Variants in LUZP2 observed in about 807,000 individuals in gnomAD.
LUZP2 encodes leucine zipper protein 2.
In LUZP2, 52 loss-of-function variants were observed where a neutral mutation model predicts 51.6. The ratio of observed to expected loss-of-function variants is 1.01; its 90% CI spans 0.81 to 1.27. The LOEUF (loss-of-function observed/expected upper bound fraction) is 1.27. Among genes scored for constraint, LUZP2 ranks in the 50% most tolerant of loss-of-function variants. LUZP2 has a pLI of 0.00. For synonymous variants in LUZP2, 154 were observed against 137.3 expected (o/e 1.12, Z -0.85); for missense variants, 436 against 395.4 (o/e 1.10, Z -0.87).
intron 5 of LUZP2, among the ~76,000 whole-genome samples, chr11:24,818,146 T>C (rs1850240425): frequency 6.6e-6 from 1 of 152,052 alleles, no homozygotes. Context: ...TAAAGTAAGC[T>C]GTCAGTGGAA....
intron 1 of LUZP2, among the ~76,000 whole-genome samples, chr11:24,595,979 G>A (rs191895009): frequency 3.3e-5 from 5 of 152,310 alleles, no homozygotes; most frequent in Admixed American, 1.3e-4. Flanking sequence ...AAGACAGCAA[G>A]TTCCATGTGC....
chr11:24,957,229 A>G (rs1201403449), intron 7 of LUZP2, among the ~76,000 whole-genome samples: 1 of 152,252 alleles, frequency 6.6e-6, no homozygotes, highest in East Asian at 1.9e-4. Flanking sequence ...TCTTTTTTAA[A>G]TTGCAAATTG....
intron 1 of LUZP2, among the ~76,000 whole-genome samples, chr11:24,608,439 A>G (rs1032773621): frequency 6.6e-6 from 1 of 152,226 alleles, no homozygotes; most frequent in African/African-American, 2.4e-5. Flanking sequence ...TTAGAAAATT[A>G]TTTTGGGTAG....
intron 1 of LUZP2, among the ~76,000 whole-genome samples, chr11:24,722,732 A>G (rs754392083): frequency 6.6e-5 from 10 of 152,066 alleles, no homozygotes; most frequent in Admixed American, 2.0e-4. Flanking sequence ...AGCCTGGCCA[A>G]CATGGTGAAA....
rs572588453 is a variant in LUZP2, at chr11:24,606,068, G to C, written c.62+108763G>C. On this transcript the variant is annotated intron_variant, in intron 1 of 11. Transcript: ENST00000336930. ...TTTTATAGCTGAATAATACTCTACT[G>C]TGCACATATAGGTATATTTGTATAT... is the stretch of plus-strand genomic sequence containing the variant. 1.1e-3 allele frequency among the ~76,000 whole-genome samples: 163 copies of C among 151,686 alleles called. 1 individual carries two copies. The highest frequency in any genetic ancestry group is 3.4e-3 in the Middle Eastern group (1 of 294).
At chr11:24,625,016 C>T (rs1015709634) in intron 1 of LUZP2, among the ~76,000 whole-genome samples, 6 of 152,090 alleles carry the variant, frequency 3.9e-5, no homozygotes, top group Non-Finnish European at 7.4e-5. Context: ...GAAGGAAATC[C>T]TGTCATTCCC....
intron 1 of LUZP2, among the ~76,000 whole-genome samples, chr11:24,650,258 T>C (rs1213041957): frequency 6.6e-6 from 1 of 152,020 alleles, no homozygotes; most frequent in African/African-American, 2.4e-5. Flanking sequence ...AAAATATCTA[T>C]AGTGTTATTT....
chr11:24,584,859 A>G (rs1005880881), intron 1 of LUZP2, among the ~76,000 whole-genome samples: 5 of 152,182 alleles, frequency 3.3e-5, no homozygotes, highest in Admixed American at 6.5e-5. Flanking sequence ...CAGCAACCTC[A>G]CAACCACATT....
intron 4 of LUZP2, among the ~76,000 whole-genome samples, chr11:24,746,507 G>A (rs924460107): frequency 6.6e-5 from 10 of 152,114 alleles, no homozygotes; most frequent in Admixed American, 1.3e-4. Flanking sequence ...CTTAACTTTA[G>A]ATAACCTGAT....
At chr11:24,921,165 A>G (rs1453876945) in intron 7 of LUZP2, among the ~76,000 whole-genome samples, 1 of 152,062 alleles carries the variant, frequency 6.6e-6, no homozygotes, top group African/African-American at 2.4e-5. Flanking sequence ...ATAGGCAGGA[A>G]AGAAGAAAGA....
chr11:24,746,574 T>C (rs71458929), intron 4 of LUZP2, among the ~76,000 whole-genome samples: 17,800 of 152,210 alleles, frequency 0.12, 1,296 homozygotes, highest in Non-Finnish European at 0.17. Flanking sequence ...TTCTTTGTGC[T>C]TCTTGTATTT....
At chr11:24,845,779 C>T (rs1045453240) in intron 5 of LUZP2, among the ~76,000 whole-genome samples, 3 of 151,956 alleles carry the variant, frequency 2.0e-5, no homozygotes, top group African/African-American at 7.2e-5. Flanking sequence ...TCATGTAAGA[C>T]ATGACCTGCT....
intron 7 of LUZP2, among the ~76,000 whole-genome samples, chr11:24,960,777 G>T (rs1855370281): frequency 6.6e-6 from 1 of 151,970 alleles, no homozygotes; most frequent in African/African-American, 2.4e-5. Flanking sequence ...GTTATTTCTT[G>T]CCTTCTGCTA....
chr11:24,676,966 C>G (rs1159355284), intron 1 of LUZP2, among the ~76,000 whole-genome samples: 1 of 152,146 alleles, frequency 6.6e-6, no homozygotes, highest in East Asian at 1.9e-4. Context: ...CATGTCCGGC[C>G]AAGCCTCTCA....
At chr11:24,567,192 C>T (rs12362662) in intron 1 of LUZP2, among the ~76,000 whole-genome samples, 60,623 of 149,740 alleles carry the variant, frequency 0.4, 12,645 homozygotes, top group Middle Eastern at 0.49. Flanking sequence ...AAGGTACAAT[C>T]ACCTAAATGA....
At chr11:24,735,512 C>T (rs1051976579) in intron 3 of LUZP2, among the ~76,000 whole-genome samples, 1 of 151,822 alleles carries the variant, frequency 6.6e-6, no homozygotes, top group African/African-American at 2.4e-5. Flanking sequence ...TACTAAAGCA[C>T]TTTACAATAA....
chr11:24,815,289 A>G (rs1206592365), intron 5 of LUZP2, among the ~76,000 whole-genome samples: 1 of 152,202 alleles, frequency 6.6e-6, no homozygotes, highest in East Asian at 1.9e-4. Context: ...ATCTATGTTA[A>G]TTCTTATATG....
intron 9 of LUZP2, among the ~76,000 whole-genome samples, chr11:25,011,579 T>A (rs1287643951): frequency 1.3e-5 from 2 of 152,128 alleles, no homozygotes; most frequent in Non-Finnish European, 2.9e-5. Flanking sequence ...ATATTCTAAT[T>A]TTTATATTAA....
chr11:24,605,166 A>G (rs1853874002), intron 1 of LUZP2, among the ~76,000 whole-genome samples: 1 of 151,764 alleles, frequency 6.6e-6, no homozygotes, highest in Non-Finnish European at 1.5e-5. Context: ...TGACTTTGAA[A>G]TTATATTTCA....
Sources: gnomAD v4.1 joint callset for allele counts (sites outside exome capture counted in the v4.1 genomes callset) on GRCh38, gnomAD v4.1.1 for gene constraint, MANE v1.5 for transcripts, NCBI Gene and HGNC (gene_info 2026-07-23, HGNC 2026-07-21) for gene names.